RALGPS1: variants seen among roughly 807,000 people sequenced by gnomAD.
RALGPS1 encodes the protein ras-specific guanine nucleotide-releasing factor RalGPS1.
RALGPS1 carries 19 observed loss-of-function variants against 78.8 expected under a neutral mutation model. The observed-to-expected ratio is 0.24, with a 90% CI of 0.17 to 0.35. The LOEUF (loss-of-function observed/expected upper bound fraction) is 0.35, where lower values mean the gene tolerates loss of function less well. Ranked by LOEUF, RALGPS1 falls within the 10% of genes least tolerant of loss-of-function variation. The pLI, the probability that RALGPS1 is intolerant of heterozygous loss-of-function variation, is 1.00. For missense variants in RALGPS1, 454 were observed against 688.3 expected (o/e 0.66, Z 3.81); for synonymous variants, 228 against 256.3 (o/e 0.89, Z 1.06).
intron 14 of RALGPS1, 35 bp downstream of exon 14, chr9:127,199,101 G>A: frequency 2.5e-6 from 4 of 1,603,328 alleles, no homozygotes; most frequent in Non-Finnish European, 3.4e-6. Context: ...CCCTCCCAGG[G>A]GCGGTGCTCA....
At chr9:127,040,948 T>A (rs756065124) in intron 5 of RALGPS1, among the ~76,000 whole-genome samples, 120 of 152,076 alleles carry the variant, frequency 7.9e-4, no homozygotes, top group Non-Finnish European at 1.4e-3. Context: ...CATGGTTTGT[T>A]CATCCATTCA....
At chr9:127,133,628 G>C (rs2057174286) in intron 8 of RALGPS1, among the ~76,000 whole-genome samples, 1 of 152,214 alleles carries the variant, frequency 6.6e-6, no homozygotes, top group South Asian at 2.1e-4. Context: ...GGCAGCCCCA[G>C]GTTTGGCCCT....
At chr9:127,062,260 G>T (rs1248858904) in intron 7 of RALGPS1, among the ~76,000 whole-genome samples, 1 of 152,064 alleles carries the variant, frequency 6.6e-6, no homozygotes, top group Non-Finnish European at 1.5e-5. Context: ...ACCATGCCCG[G>T]CTAATTTTTT....
intron 7 of RALGPS1, among the ~76,000 whole-genome samples, chr9:127,055,204 A>T (rs908081551): frequency 1.9e-5 from 2 of 105,512 alleles, no homozygotes; most frequent in African/African-American, 6.4e-5. Context: ...TGCTTTTTCT[A>T]TCTATCTATC....
chr9:126,966,016 CT>C, intron 3 of RALGPS1, 65 bp downstream of exon 3: 2 of 1,221,318 alleles, frequency 1.6e-6, no homozygotes, highest in South Asian at 1.2e-5. Flanking sequence ...GGAGCCACCA[CT>C]TAGGCTTTGG....
intron 7 of RALGPS1, among the ~76,000 whole-genome samples, chr9:127,064,830 T>A (rs2049536611): frequency 6.6e-6 from 1 of 152,238 alleles, no homozygotes; most frequent in Non-Finnish European, 1.5e-5. Flanking sequence ...ATGAATAACA[T>A]GTCCTTCCTT....
At position 127,219,122 on chromosome 9, in the gene RALGPS1, A is replaced by C; in HGVS notation, c.*353A>C. 6.6e-6 allele frequency: 2 copies of C among 304,380 alleles called. No homozygotes were observed. Among genetic ancestry groups the C allele is most frequent in the Non-Finnish European group, 1.3e-5 (2 of 158,172 alleles). 18.9% of individuals were successfully genotyped at this position (304,380 alleles called of 1,614,324 possible). A position where few individuals can be genotyped will look rare whatever the true frequency, so the allele number is the denominator to read the frequency against. ...TGCACAGAGTGGACAGCGCTAACTA[A>C]CCTGTGAGAGGGGCCCGAGAGAAGG... On this transcript the variant is annotated 3_prime_UTR_variant, in exon 19 of 19. Coordinates refer to ENST00000259351, the MANE Select transcript of RALGPS1 (RefSeq NM_014636.3). The surrounding 1 kb of genome is among the most constrained non-coding windows in gnomAD (Gnocchi z 5.0).
chr9:126,966,209 A>G (rs1388640767), intron 3 of RALGPS1, among the ~76,000 whole-genome samples: 2 of 152,192 alleles, frequency 1.3e-5, no homozygotes, highest in African/African-American at 4.8e-5. Context: ...GTTTGTGGAG[A>G]ACGTGCAATT....
At chr9:127,006,362 G>A (rs2043841900) in intron 4 of RALGPS1, among the ~76,000 whole-genome samples, 1 of 152,210 alleles carries the variant, frequency 6.6e-6, no homozygotes, top group Non-Finnish European at 1.5e-5. Context: ...GAGAATGGTG[G>A]CGTTCTTTGA....
chr9:127,062,553 G>A (rs2049317243), intron 7 of RALGPS1, among the ~76,000 whole-genome samples: 1 of 152,162 alleles, frequency 6.6e-6, no homozygotes, highest in Admixed American at 6.5e-5. Context: ...TTATAATCAG[G>A]TAAGGAAGGC....
chr9:127,110,289 C>T (rs2054665722), intron 8 of RALGPS1, among the ~76,000 whole-genome samples: 1 of 152,178 alleles, frequency 6.6e-6, no homozygotes, highest in East Asian at 1.9e-4. Context: ...TATTTTCCCT[C>T]TCACACTGTG....
rs2139667212 is a variant in RALGPS1 at position 127,167,874 on chromosome 9, G to A, written c.749-805G>A. Among the ~76,000 whole-genome samples, 2 of 152,320 alleles carry A rather than the reference G, an allele frequency of 1.3e-5. 1 individual carries two copies. The highest frequency in any genetic ancestry group is 4.1e-4 in the South Asian group (2 of 4,822). ...TCCCACCCAGTGGCCCTCTCAGAAG[G>A]AGTGCAGTGACTGTGAAGGTCTGCA... On this transcript the variant is annotated intron_variant, in intron 9 of 18. Coordinates refer to ENST00000259351, the MANE Select transcript of RALGPS1 (RefSeq NM_014636.3).
chr9:127,049,720 C>G (rs2048132055), intron 5 of RALGPS1, among the ~76,000 whole-genome samples: 2 of 152,218 alleles, frequency 1.3e-5, no homozygotes, highest in African/African-American at 4.8e-5. Context: ...GGAATTCAGT[C>G]TGATTCATCT....
At chr9:127,190,388 A>G (rs2060959484) in intron 11 of RALGPS1, among the ~76,000 whole-genome samples, 1 of 152,118 alleles carries the variant, frequency 6.6e-6, no homozygotes. Flanking sequence ...CAGTGGCATG[A>G]TATCAGCTTA....
chr9:127,006,057 A>T (rs1165412657), intron 4 of RALGPS1, among the ~76,000 whole-genome samples: 2 of 152,226 alleles, frequency 1.3e-5, no homozygotes, highest in African/African-American at 4.8e-5. Flanking sequence ...AAAGGAACAT[A>T]CCTCAAAGTA....
chr9:127,159,646 C>G (rs1435516946), intron 8 of RALGPS1, among the ~76,000 whole-genome samples: 1 of 152,210 alleles, frequency 6.6e-6, no homozygotes, highest in Non-Finnish European at 1.5e-5. Flanking sequence ...AGTTAATACT[C>G]ACAGTCTTCC....
intron 4 of RALGPS1, among the ~76,000 whole-genome samples, chr9:126,987,481 C>T (rs1186024429): frequency 6.6e-6 from 1 of 152,154 alleles, no homozygotes; most frequent in Non-Finnish European, 1.5e-5. Flanking sequence ...CTGCTCTTCC[C>T]TCAGTTCTGT....
intron 11 of RALGPS1, among the ~76,000 whole-genome samples, chr9:127,180,961 G>A (rs915484241): frequency 6.6e-6 from 1 of 152,256 alleles, no homozygotes. Flanking sequence ...CAGCATGGCA[G>A]CCTCAGTATT....
At chr9:126,941,411 A>G (rs2036778397) in intron 1 of RALGPS1, among the ~76,000 whole-genome samples, 2 of 152,234 alleles carry the variant, frequency 1.3e-5, no homozygotes, top group African/African-American at 4.8e-5. Flanking sequence ...GTATCAAAAT[A>G]TCCCATATAC....
Sources: gnomAD v4.1 joint callset for allele counts (sites outside exome capture counted in the v4.1 genomes callset) on GRCh38, gnomAD v4.1.1 for gene constraint, Gnocchi (gnomAD v3.1) non-coding constraint, MANE v1.5 for transcripts, NCBI Gene and HGNC (gene_info 2026-07-23, HGNC 2026-07-21) for gene names.